CDON: variants seen among roughly 807,000 people sequenced by gnomAD.
CDON encodes the protein cell adhesion associated, oncogene regulated, also known as cell adhesion molecule-related/down-regulated by oncogenes.
Under a neutral mutation model 120.9 loss-of-function variants are expected in CDON, and 73 were observed. The ratio of observed to expected loss-of-function variants is 0.60; its 90% CI spans 0.50 to 0.73. The LOEUF (loss-of-function observed/expected upper bound fraction) is 0.73, where lower values mean the gene tolerates loss of function less well. Among genes scored for constraint, CDON ranks in the 30% least tolerant of loss-of-function variants. The pLI is 0.00. For synonymous variants in CDON, 566 were observed against 573.5 expected, an observed-to-expected ratio of 0.99 and a Z score of 0.19; for missense variants, 1,470 against 1,587.3, an observed-to-expected ratio of 0.93 and a Z score of 1.26.
At chr11:125,978,102 T>C (rs926567338) in intron 18 of CDON, among the ~76,000 whole-genome samples, 29 of 152,166 alleles carry the variant, frequency 1.9e-4, no homozygotes, top group African/African-American at 6.5e-4. Context: ...ATGGTTTCTA[T>C]ATAGCTGAAG....
chr11:125,974,052 T>C (rs1325252251), intron 18 of CDON, among the ~76,000 whole-genome samples: 1 of 151,914 alleles, frequency 6.6e-6, no homozygotes, highest in Non-Finnish European at 1.5e-5. Context: ...CTTGCCACCA[T>C]GCCCAGCTAA....
At chr11:126,009,625 C>T (rs1405740268) in intron 8 of CDON, among the ~76,000 whole-genome samples, 1 of 152,152 alleles carries the variant, frequency 6.6e-6, no homozygotes, top group Admixed American at 6.5e-5. Flanking sequence ...ACCTCAGTTA[C>T]CCAAAACTAA....
chr11:126,033,273 G>A (rs1388816967), intron 1 of CDON, among the ~76,000 whole-genome samples: 1 of 152,082 alleles, frequency 6.6e-6, no homozygotes. Context: ...AGCGTCTGAA[G>A]GTGTGGAGAT....
Position 125,981,321 on chromosome 11 carries a change from G to A in CDON, c.3004C>T (p.Pro1002Ser), listed in dbSNP as rs1169452825. The change falls in exon 17 of 20, where the codon CCA becomes TCA. Residue 1002 changes from proline (P) to serine (S), a missense_variant. Pro to Ser is a moderately conservative substitution (Grantham distance 74, BLOSUM62 -1). Coordinates refer to ENST00000531738, the MANE Select transcript of CDON (RefSeq NM_001378964.1). ...RQQNTIQKYD[P>S]PGYLYQGSDM... ...GATCCTTGGTAGAGATATCCTGGTGGGTCATATTCTGTTAAAAGAGAACAA... is the reference window on the plus strand; with the variant it reads ...GATCCTTGGTAGAGATATCCTGGTGAGTCATATTCTGTTAAAAGAGAACAA... 4 of 1,612,732 alleles carry A rather than the reference G, an allele frequency of 2.5e-6. No homozygotes were observed. Among genetic ancestry groups the A allele is most frequent in the Admixed American group, 1.7e-5 (1 of 59,990 alleles).
chr11:126,017,383 AG>A lies in CDON; in HGVS notation c.641-9del. The A allele has an allele frequency of 6.2e-7, 1 of 1,613,688 alleles. No homozygotes were observed. Among genetic ancestry groups the A allele is most frequent in the Non-Finnish European group, 8.5e-7 (1 of 1,179,570 alleles). ...CATCATCTGAAGAAGGACCTGGAAAAGGAAAGGAGATGAGAGATTATTAGTA... is the reference window on the plus strand; with the variant it reads ...CATCATCTGAAGAAGGACCTGGAAAAGAAAGGAGATGAGAGATTATTAGTA... On this transcript the variant is annotated splice_polypyrimidine_tract_variant and intron_variant, in intron 5 of 19. Transcript: ENST00000531738.
chr11:125,991,556 G>C (rs1946630791), intron 14 of CDON, among the ~76,000 whole-genome samples: 1 of 151,962 alleles, frequency 6.6e-6, no homozygotes, highest in Non-Finnish European at 1.5e-5. Context: ...AAATAGGATA[G>C]CTTAATTGTC....
At chr11:125,964,774 T>C in intron 18 of CDON, among the ~76,000 whole-genome samples, 1 of 152,188 alleles carries the variant, frequency 6.6e-6, no homozygotes, top group East Asian at 1.9e-4. Flanking sequence ...TATTCTTCCA[T>C]ATTGCATCAG....
chr11:126,055,102 T>C (rs1379966794), intron 1 of CDON, among the ~76,000 whole-genome samples: 1 of 152,194 alleles, frequency 6.6e-6, no homozygotes, highest in East Asian at 1.9e-4. Flanking sequence ...AGAAAGATCA[T>C]TACTCAGGCA....
intron 18 of CDON, among the ~76,000 whole-genome samples, chr11:125,977,602 A>G (rs1028224549): frequency 6.6e-6 from 1 of 152,190 alleles, no homozygotes; most frequent in Non-Finnish European, 1.5e-5. Context: ...ATGTAAAAGA[A>G]AGAACTAAGA....
At chr11:126,025,671 G>A (rs368162301) in intron 1 of CDON, among the ~76,000 whole-genome samples, 20 of 152,156 alleles carry the variant, frequency 1.3e-4, no homozygotes, top group Non-Finnish European at 2.5e-4. Context: ...AACAAAATCA[G>A]TACATACTTT....
At chr11:126,024,058 T>C (rs929284756) in intron 1 of CDON, among the ~76,000 whole-genome samples, 6 of 152,146 alleles carry the variant, frequency 3.9e-5, no homozygotes, top group Admixed American at 3.3e-4. Flanking sequence ...GGCTCATGGA[T>C]TGGTCAAGCA....
At chr11:125,998,907 T>C (rs905752133) in intron 11 of CDON, among the ~76,000 whole-genome samples, 4 of 152,288 alleles carry the variant, frequency 2.6e-5, no homozygotes, top group African/African-American at 7.2e-5. Context: ...AGAAAGCCAC[T>C]AGGGAGCCCC....
At chr11:125,985,975 C>A (rs1328354453) in intron 15 of CDON, among the ~76,000 whole-genome samples, 1 of 152,112 alleles carries the variant, frequency 6.6e-6, no homozygotes, top group South Asian at 2.1e-4. Context: ...GGTATATACC[C>A]AAAGGATTAT....
At chr11:125,964,241 G>C (rs1591541822) in intron 18 of CDON, among the ~76,000 whole-genome samples, 2 of 152,316 alleles carry the variant, frequency 1.3e-5, no homozygotes, top group East Asian at 3.9e-4. Context: ...TACTACTGCT[G>C]AGAATTTAAT....
At chr11:125,983,428 C>G (rs1351858631) in intron 16 of CDON, among the ~76,000 whole-genome samples, 1 of 152,144 alleles carries the variant, frequency 6.6e-6, no homozygotes, top group Non-Finnish European at 1.5e-5. Context: ...TTATCCTCAT[C>G]GGTGAAGTGT....
At chr11:125,978,533 T>C in intron 17 of CDON, 150 bp from the exon 18 acceptor site, 1 of 679,374 alleles carries the variant, frequency 1.5e-6, no homozygotes, top group Admixed American at 2.1e-5. Flanking sequence ...CAGAGCAACG[T>C]CATTGTGAAT....
chr11:125,974,586 C>A (rs944062325), intron 18 of CDON, among the ~76,000 whole-genome samples: 1 of 147,248 alleles, frequency 6.8e-6, no homozygotes, highest in Non-Finnish European at 1.5e-5. Flanking sequence ...ATAATAAAAG[C>A]AAATAAATGC....
At chr11:126,014,484 G>A (rs1375553440) in intron 7 of CDON, among the ~76,000 whole-genome samples, 3 of 152,160 alleles carry the variant, frequency 2.0e-5, no homozygotes, top group African/African-American at 2.4e-5. Context: ...CACTGATAAC[G>A]ACTATGGAGA....
intron 3 of CDON, 143 bp from the exon 4 acceptor site, chr11:126,019,908 T>C: frequency 1.4e-6 from 1 of 730,376 alleles, no homozygotes; most frequent in Non-Finnish European, 2.3e-6. Context: ...CATGATCTTT[T>C]CATCTCAGAA....
Sources: allele counts gnomAD v4.1 joint callset (sites outside exome capture counted in the v4.1 genomes callset), GRCh38; gene constraint gnomAD v4.1.1; transcripts MANE v1.5; gene names NCBI Gene and HGNC (gene_info 2026-07-23, HGNC 2026-07-21).